DLG2: variants seen among roughly 807,000 people sequenced by gnomAD.
The protein encoded by DLG2 is disks large homolog 2.
In DLG2, 45 loss-of-function variants were observed where a neutral mutation model predicts 132.5. That is an observed-to-expected ratio of 0.34 (90% CI 0.27 to 0.44). The LOEUF is 0.44. Among genes scored for constraint, DLG2 ranks in the 20% least tolerant of loss-of-function variants. DLG2 has a pLI of 1.00. For missense variants in DLG2, 1,045 were observed against 1,196.9 expected, an observed-to-expected ratio of 0.87 and a Z score of 1.87; for synonymous variants, 424 against 419.6, an observed-to-expected ratio of 1.01 and a Z score of -0.13.
At chr11:85,260,104 T>C (rs2076866315) in intron 4 of DLG2, among the ~76,000 whole-genome samples, 1 of 152,164 alleles carries the variant, frequency 6.6e-6, no homozygotes, top group African/African-American at 2.4e-5. Context: ...GTGACTTTTG[T>C]TAAGTTATTC....
intron 7 of DLG2, among the ~76,000 whole-genome samples, chr11:84,381,990 T>G (rs1323614610): frequency 1.3e-5 from 2 of 152,096 alleles, no homozygotes; most frequent in African/African-American, 2.4e-5. Context: ...TTACCATCAG[T>G]GGGAGACAGG....
At chr11:84,309,327 C>T (rs2098264502) in intron 7 of DLG2, among the ~76,000 whole-genome samples, 2 of 152,148 alleles carry the variant, frequency 1.3e-5, no homozygotes, top group South Asian at 4.1e-4. Context: ...TAATGTCCAA[C>T]AGTTAATTAT....
At chr11:84,526,370 A>T (rs944291655) in intron 7 of DLG2, among the ~76,000 whole-genome samples, 1 of 152,182 alleles carries the variant, frequency 6.6e-6, no homozygotes, top group Non-Finnish European at 1.5e-5. Context: ...GAGTAAAATG[A>T]AAAGCAAAAC....
chr11:84,779,580 T>C (rs1196919414), intron 6 of DLG2, among the ~76,000 whole-genome samples: 1 of 152,102 alleles, frequency 6.6e-6, no homozygotes. Flanking sequence ...TCGTTCTGGC[T>C]AGGACTTCCA....
At chr11:85,168,549 C>T (rs1416565549) in intron 4 of DLG2, among the ~76,000 whole-genome samples, 2 of 151,374 alleles carry the variant, frequency 1.3e-5, no homozygotes, top group Non-Finnish European at 2.9e-5. Context: ...TCAGATTATC[C>T]CAAAAAATAG....
At chr11:83,644,591 G>A (rs747059402) in intron 18 of DLG2, among the ~76,000 whole-genome samples, 1 of 151,982 alleles carries the variant, frequency 6.6e-6, no homozygotes, top group Non-Finnish European at 1.5e-5. Flanking sequence ...TTTGTGTTAT[G>A]CAGCCAGAAA....
chr11:83,665,042 T>C (rs914584501), intron 18 of DLG2, among the ~76,000 whole-genome samples: 13 of 152,352 alleles, frequency 8.5e-5, no homozygotes, highest in Admixed American at 8.5e-4. Context: ...ACTTGATTAA[T>C]CAACCAATAT....
intron 6 of DLG2, among the ~76,000 whole-genome samples, chr11:84,542,295 A>T (rs2099376251): frequency 6.6e-6 from 1 of 152,186 alleles, no homozygotes; most frequent in African/African-American, 2.4e-5. Flanking sequence ...AAATTATCCC[A>T]CTTAAGGCTG....
At chr11:84,863,558 C>A (rs909586153) in intron 6 of DLG2, among the ~76,000 whole-genome samples, 1 of 152,110 alleles carries the variant, frequency 6.6e-6, no homozygotes. Flanking sequence ...ACATATTGAA[C>A]AAACACCATA....
chr11:83,832,835 C>A (rs1012595929), intron 17 of DLG2, among the ~76,000 whole-genome samples: 36 of 152,082 alleles, frequency 2.4e-4, no homozygotes, highest in African/African-American at 8.2e-4. Context: ...TTGAATGGTG[C>A]CACTGCTACA....
chr11:85,065,007 T>A (rs757568254), intron 6 of DLG2, among the ~76,000 whole-genome samples: 16 of 151,598 alleles, frequency 1.1e-4, no homozygotes, highest in Non-Finnish European at 2.2e-4. Context: ...ATAAGTAGTA[T>A]ATCTGTGGTA....
chr11:83,839,527 G>GA (rs2057074571), intron 16 of DLG2, among the ~76,000 whole-genome samples: 1 of 152,228 alleles, frequency 6.6e-6, no homozygotes, highest in South Asian at 2.1e-4. Flanking sequence ...AAATCGGCTT[G>GA]TCTACATTCA....
At chr11:84,726,356 C>T (rs192732365) in intron 6 of DLG2, among the ~76,000 whole-genome samples, 162 of 152,236 alleles carry the variant, frequency 1.1e-3, no homozygotes, top group African/African-American at 3.8e-3. Context: ...TGAGTGAGAA[C>T]ATGCGGTGCT....
intron 6 of DLG2, among the ~76,000 whole-genome samples, chr11:84,704,315 T>C (rs2059555732): frequency 6.6e-6 from 1 of 151,572 alleles, no homozygotes; most frequent in Non-Finnish European, 1.5e-5. Context: ...TGTTCTTCTG[T>C]AAAGTATTTA....
intron 3 of DLG2, among the ~76,000 whole-genome samples, chr11:85,383,592 A>C (rs2086079649): frequency 6.6e-6 from 1 of 152,204 alleles, no homozygotes; most frequent in African/African-American, 2.4e-5. Context: ...AGTTTTGCAA[A>C]TATTAGCACA....
chr11:84,074,529 A>ATT (rs59822508), intron 10 of DLG2, among the ~76,000 whole-genome samples: 47 of 139,360 alleles, frequency 3.4e-4, no homozygotes, highest in African/African-American at 1.0e-3. Flanking sequence ...AGAGTTTCTA[A>ATT]TTTTTTTTTT....
chr11:84,227,702 A>C (rs2097023166), intron 8 of DLG2, among the ~76,000 whole-genome samples: 1 of 152,084 alleles, frequency 6.6e-6, no homozygotes, highest in Non-Finnish European at 1.5e-5. Flanking sequence ...TAGGCGGATC[A>C]CAAGGTCAGG....
At chr11:84,545,690 T>C (rs1410617769) in intron 6 of DLG2, 6 of 285,924 alleles carry the variant, frequency 2.1e-5, no homozygotes, top group African/African-American at 2.3e-5. Flanking sequence ...GCCTCGGTCA[T>C]TCATGATTTC....
chr11:84,122,849 G>A (rs12807782), intron 9 of DLG2, among the ~76,000 whole-genome samples: 18,872 of 151,720 alleles, frequency 0.12, 2,324 homozygotes, highest in African/African-American at 0.32. Context: ...ACACACACAC[G>A]CACCCCACAC....
Sources: allele counts gnomAD v4.1 joint callset (sites outside exome capture counted in the v4.1 genomes callset), GRCh38; gene constraint gnomAD v4.1.1; transcripts MANE v1.5; gene names NCBI Gene and HGNC (gene_info 2026-07-23, HGNC 2026-07-21).